LRRN1: variants seen among roughly 807,000 people sequenced by gnomAD.
LRRN1 encodes the protein leucine-rich repeat neuronal protein 1.
LRRN1 carries 14 observed loss-of-function variants against 45.8 expected under a neutral mutation model. The observed-to-expected ratio is 0.31, with a 90% CI of 0.20 to 0.48. The LOEUF (loss-of-function observed/expected upper bound fraction) is 0.48, where lower values mean the gene tolerates loss of function less well. LRRN1 is among the 20% of genes least tolerant of loss of function. The probability of loss-of-function intolerance (pLI) is 0.99; values close to 1 mark genes in which losing one functional copy is unlikely to be tolerated. For missense variants in LRRN1, 789 were observed against 874.2 expected, an observed-to-expected ratio of 0.90 and a Z score of 1.23; for synonymous variants, 359 against 330.1, an observed-to-expected ratio of 1.09 and a Z score of -0.95.
rs945254399 is a variant in LRRN1 at position 3,848,784 on chromosome 3, T to A, written c.*1992T>A. On this transcript the variant is annotated 3_prime_UTR_variant, in exon 2 of 2. Coordinates refer to ENST00000319331, the MANE Select transcript of LRRN1 (RefSeq NM_020873.7). ...GTTCAGCGCTCTGCACTCCATTGAT[T>A]GTTCTAGGCCCGGCAGCCTGTTAGG... Among the ~76,000 whole-genome samples, 1 of 152,164 alleles carries A rather than the reference T, an allele frequency of 6.6e-6. No homozygotes were observed. The highest frequency in any genetic ancestry group is 6.5e-5 in the Admixed American group (1 of 15,280).
chr3:3,821,458 T>C (rs1033103714), intron 1 of LRRN1, among the ~76,000 whole-genome samples: 1 of 152,154 alleles, frequency 6.6e-6, no homozygotes. Flanking sequence ...CATGTACCTT[T>C]TCTTTTTTTT....
chr3:3,819,290 T>C (rs932957953), intron 1 of LRRN1, among the ~76,000 whole-genome samples: 3 of 152,102 alleles, frequency 2.0e-5, no homozygotes, highest in African/African-American at 7.2e-5. Context: ...CTCAACCCAA[T>C]ATTAACTACT....
intron 1 of LRRN1, among the ~76,000 whole-genome samples, chr3:3,821,903 A>G (rs1345678987): frequency 6.6e-6 from 1 of 152,128 alleles, no homozygotes; most frequent in Non-Finnish European, 1.5e-5. Context: ...TCATTGCCTC[A>G]CCCTGGAATG....
intron 1 of LRRN1, among the ~76,000 whole-genome samples, chr3:3,803,123 T>C (rs1008358148): frequency 2.6e-5 from 4 of 152,218 alleles, no homozygotes; most frequent in African/African-American, 9.7e-5. Flanking sequence ...AAGGAAAAAC[T>C]CAACCATTGA....
intron 1 of LRRN1, among the ~76,000 whole-genome samples, chr3:3,832,994 C>T (rs1452431766): frequency 6.6e-6 from 1 of 152,202 alleles, no homozygotes; most frequent in African/African-American, 2.4e-5. Context: ...TGAGTGCTGC[C>T]ACTTGGCCCC....
chr3:3,837,313 C>T (rs1693542610), intron 1 of LRRN1, among the ~76,000 whole-genome samples: 1 of 128,596 alleles, frequency 7.8e-6, no homozygotes, highest in Non-Finnish European at 1.7e-5. Flanking sequence ...GGATTGGGGG[C>T]AAGGGCTTTA....
intron 1 of LRRN1, among the ~76,000 whole-genome samples, chr3:3,837,692 C>T (rs185951553): frequency 1.3e-3 from 202 of 151,818 alleles, no homozygotes; most frequent in African/African-American, 4.7e-3. Flanking sequence ...TGAGCCACCG[C>T]ACCACATTTT....
intron 1 of LRRN1, chr3:3,827,196 T>C (rs894985080): frequency 9.3e-5 from 21 of 225,380 alleles, no homozygotes; most frequent in Middle Eastern, 1.7e-3. Context: ...ATAATCTCCA[T>C]TTTCTTAAAG....
At chr3:3,815,472 C>A (rs139943763) in intron 1 of LRRN1, among the ~76,000 whole-genome samples, 1 of 152,284 alleles carries the variant, frequency 6.6e-6, no homozygotes, top group East Asian at 1.9e-4. Flanking sequence ...AACCTACTTA[C>A]TAGCCACATG....
intron 1 of LRRN1, among the ~76,000 whole-genome samples, chr3:3,833,889 A>G (rs931011926): frequency 2.0e-5 from 3 of 152,184 alleles, no homozygotes; most frequent in African/African-American, 7.2e-5. Context: ...GCTCCCACAC[A>G]TCCCCATTCC....
Position 3,845,295 on chromosome 3 carries a change from A to C in LRRN1, c.654A>C (p.Arg218Ser). Residue 218 changes from arginine (R) to serine (S), a missense_variant, in exon 2 of 2, where the codon AGA (arginine) becomes AGC (serine). Arg to Ser is a moderately radical substitution (Grantham distance 110). Coordinates refer to ENST00000319331, the MANE Select transcript of LRRN1 (RefSeq NM_020873.7). This position sits in a 1 kb window ranked among gnomAD's most constrained non-coding sequence, Gnocchi z 6.5. ...ACTTCAAACCCCTCGCAAATTTGAG[A>C]AGCTTAGTTTTGGCAGGAATGTATC... ...DMNFKPLANL[R>S]SLVLAGMYLT... 6.2e-7 allele frequency: 1 copy of C among 1,614,110 alleles called. No homozygotes were observed. Among genetic ancestry groups the C allele is most frequent in the Non-Finnish European group, 8.5e-7 (1 of 1,180,026 alleles).
intron 1 of LRRN1, among the ~76,000 whole-genome samples, chr3:3,834,667 TAGG>T (rs1693468039): frequency 1.3e-5 from 2 of 149,858 alleles, no homozygotes; most frequent in East Asian, 3.9e-4. Context: ...GGTCCCACAA[TAGG>T]CTATCTGCCA....
intron 1 of LRRN1, among the ~76,000 whole-genome samples, chr3:3,812,812 T>TAA (rs34881587): frequency 0.014 from 1,660 of 121,446 alleles, 33 homozygotes; most frequent in African/African-American, 0.03. Flanking sequence ...ATCTTGGTTG[T>TAA]AAAAAAAAAA....
chr3:3,845,904 G>C lies in LRRN1; in HGVS notation c.1263G>C (p.Gln421His), dbSNP rs1693764854. The C allele has an allele frequency of 6.2e-7, 1 of 1,614,110 alleles. No homozygotes were observed. The highest frequency in any genetic ancestry group is 1.3e-5 in the African/African-American group (1 of 75,024). Residue 421 changes from glutamine to histidine, a missense_variant, in exon 2 of 2, where the codon CAG becomes CAC. Coordinates refer to ENST00000319331, the MANE Select transcript of LRRN1 (RefSeq NM_020873.7). This position sits in a 1 kb window ranked among gnomAD's most constrained non-coding sequence, Gnocchi z 6.5. ...TTTTAATCCAGGATTCGAGTGAACA[G>C]TGCCTCCCAATGATATCTCACGACA... ...KEVLIQDSSE[Q>H]CLPMISHDSF...
intron 1 of LRRN1, among the ~76,000 whole-genome samples, chr3:3,819,632 CATATTGGATTAGGGGCCTAGCCT>C (rs1278926874): frequency 6.6e-6 from 1 of 152,172 alleles, no homozygotes; most frequent in Admixed American, 6.5e-5. Flanking sequence ...GGACACCAGT[CATATTGGATTAGGGGCCTAGCCT>C]ATAGCCTACT....
At chr3:3,825,054 A>G (rs1693188616) in intron 1 of LRRN1, among the ~76,000 whole-genome samples, 1 of 152,174 alleles carries the variant, frequency 6.6e-6, no homozygotes, top group Admixed American at 6.5e-5. Context: ...GGGCTCTTTC[A>G]TAGACACCCT....
chr3:3,839,843 T>A (rs1177394039), intron 1 of LRRN1, among the ~76,000 whole-genome samples: 1 of 152,142 alleles, frequency 6.6e-6, no homozygotes, highest in African/African-American at 2.4e-5. Flanking sequence ...TCCTGCAAAT[T>A]TGCTAACATC....
intron 1 of LRRN1, among the ~76,000 whole-genome samples, chr3:3,825,701 C>T (rs1693201002): frequency 6.6e-6 from 1 of 152,024 alleles, no homozygotes; most frequent in Non-Finnish European, 1.5e-5. Flanking sequence ...TCTCTAAGGT[C>T]CTGACTACCT....
At position 3,847,006 on chromosome 3, in the gene LRRN1, G is replaced by A. The variant is rs1014254953; in HGVS notation, c.*214G>A. 1.4e-5 allele frequency: 6 copies of A among 418,810 alleles called. No homozygotes were observed. Among genetic ancestry groups the A allele is most frequent in the African/African-American group, 1.2e-4 (6 of 48,594 alleles). The allele number at this position is 418,810 out of a possible 1,614,324, so 25.9% of individuals were successfully genotyped here. A position where few individuals can be genotyped will look rare whatever the true frequency, so the allele number is the denominator to read the frequency against. The stretch of plus-strand genomic sequence containing the variant: ...ACTCTAGGCTTCCAGTCTGTGTTTG[G>A]TTTTTATTCTTATCATTATTATGAT... On this transcript the variant is annotated 3_prime_UTR_variant, in exon 2 of 2. Coordinates refer to ENST00000319331, the MANE Select transcript of LRRN1 (RefSeq NM_020873.7).
Sources: allele counts gnomAD v4.1 joint callset (sites outside exome capture counted in the v4.1 genomes callset), GRCh38; gene constraint gnomAD v4.1.1; non-coding constraint Gnocchi (gnomAD v3.1); transcripts MANE v1.5; gene names NCBI Gene and HGNC (gene_info 2026-07-23, HGNC 2026-07-21).